PLCL2: variants seen among roughly 807,000 people sequenced by gnomAD.
PLCL2 encodes the protein phospholipase C like 2.
Under a neutral mutation model 79.6 loss-of-function variants are expected in PLCL2, and 4 were observed. The observed-to-expected ratio is 0.05, with a 90% CI of 0.02 to 0.11. The LOEUF is 0.11. PLCL2 is among the 10% of genes least tolerant of loss of function. The pLI is 1.00. For synonymous variants in PLCL2, 484 were observed against 457.7 expected, an observed-to-expected ratio of 1.06 and a Z score of -0.73; for missense variants, 895 against 1,291.0, an observed-to-expected ratio of 0.69 and a Z score of 4.70.
intron 1 of PLCL2, among the ~76,000 whole-genome samples, chr3:16,906,186 A>G (rs1442504727): frequency 6.6e-6 from 1 of 152,190 alleles, no homozygotes; most frequent in East Asian, 1.9e-4. Context: ...AAAAGAAATT[A>G]AAACATTTGT....
chr3:17,083,013 T>C (rs766990999), intron 5 of PLCL2, among the ~76,000 whole-genome samples: 1 of 152,204 alleles, frequency 6.6e-6, no homozygotes, highest in Non-Finnish European at 1.5e-5. Flanking sequence ...GCCCTTACTC[T>C]GTACCTGGCA....
chr3:16,907,403 C>T (rs1041379793), intron 1 of PLCL2, among the ~76,000 whole-genome samples: 1 of 152,186 alleles, frequency 6.6e-6, no homozygotes, highest in Admixed American at 6.5e-5. Flanking sequence ...ACCATAACCA[C>T]CAGAAAGGCA....
At chr3:16,927,135 C>T (rs942261061) in intron 1 of PLCL2, among the ~76,000 whole-genome samples, 5 of 152,100 alleles carry the variant, frequency 3.3e-5, no homozygotes, top group African/African-American at 9.7e-5. Flanking sequence ...TAAACAAAAT[C>T]GTCATCCCTT....
At chr3:17,019,626 T>C (rs2124898114) in intron 3 of PLCL2, among the ~76,000 whole-genome samples, 1 of 152,290 alleles carries the variant, frequency 6.6e-6, no homozygotes, top group South Asian at 2.1e-4. Context: ...TTTTTTGTTC[T>C]TGTGCCCCAT....
chr3:16,908,155 T>C (rs1446930448), intron 1 of PLCL2, among the ~76,000 whole-genome samples: 1 of 152,196 alleles, frequency 6.6e-6, no homozygotes, highest in Non-Finnish European at 1.5e-5. Context: ...TATGATAAAC[T>C]CTTATATACC....
chr3:16,993,234 G>A (rs892753659), intron 1 of PLCL2, among the ~76,000 whole-genome samples: 6 of 152,176 alleles, frequency 3.9e-5, no homozygotes, highest in Non-Finnish European at 7.3e-5. Flanking sequence ...TGTTGATGTG[G>A]CATGTTTATT....
chr3:16,916,071 T>C (rs1166968237), intron 1 of PLCL2, among the ~76,000 whole-genome samples: 1 of 152,182 alleles, frequency 6.6e-6, no homozygotes, highest in Non-Finnish European at 1.5e-5. Flanking sequence ...CATTCTGTGT[T>C]TTCATCTGAC....
At chr3:16,930,995 A>G (rs1697379215) in intron 1 of PLCL2, among the ~76,000 whole-genome samples, 1 of 152,044 alleles carries the variant, frequency 6.6e-6, no homozygotes, top group South Asian at 2.1e-4. Flanking sequence ...GTAGTAGGGT[A>G]GGATCCATAT....
intron 1 of PLCL2, among the ~76,000 whole-genome samples, chr3:16,968,418 C>T (rs935531909): frequency 2.0e-5 from 3 of 151,906 alleles, no homozygotes; most frequent in Admixed American, 1.3e-4. Context: ...AATGTTTTTC[C>T]ATTTGTTTGT....
intron 3 of PLCL2, chr3:17,042,645 T>TTGGAAAGTA: frequency 2.3e-6 from 1 of 441,350 alleles, no homozygotes; most frequent in Non-Finnish European, 4.2e-6. Flanking sequence ...TGTACTAGCC[T>TTGGAAAGTA]CACTGCACTT....
chr3:17,055,464 C>T (rs1386647297), intron 4 of PLCL2, among the ~76,000 whole-genome samples: 1 of 152,160 alleles, frequency 6.6e-6, no homozygotes, highest in East Asian at 1.9e-4. Context: ...AGCAACTGGT[C>T]TCTAGAAACC....
Position 17,011,907 on chromosome 3 carries a change from C to T in PLCL2, c.2561C>T (p.Thr854Met), listed in dbSNP as rs775711732. 33 of 1,614,100 alleles carry T rather than the reference C, an allele frequency of 2.0e-5. No homozygotes were observed. Among genetic ancestry groups the T allele is most frequent in the Admixed American group, 1.5e-4 (9 of 60,004 alleles). Residue 854 changes from threonine (T) to methionine (M), a missense_variant, in exon 2 of 6, where the codon ACG becomes ATG. Coordinates refer to ENST00000615277, the MANE Select transcript of PLCL2 (RefSeq NM_001144382.2). The surrounding 1 kb of genome is among the most constrained non-coding windows in gnomAD (Gnocchi z 7.9). ...QYTIPFECLQ[T>M]GYRHVPLQSL... ...ACAATTCCCTTTGAATGTTTACAGA[C>T]GGGCTACCGCCATGTCCCCCTGCAG...
chr3:17,016,012 A>G (rs2064379762), intron 3 of PLCL2, among the ~76,000 whole-genome samples: 1 of 152,186 alleles, frequency 6.6e-6, no homozygotes, highest in African/African-American at 2.4e-5. Flanking sequence ...ATGGGGGGAA[A>G]GTTCCTTGAC....
chr3:17,012,102 T>C lies in PLCL2; in HGVS notation c.2756T>C (p.Val919Ala). 6.2e-7 allele frequency: 1 copy of C among 1,614,116 alleles called. No homozygotes were observed. The highest frequency in any genetic ancestry group is 8.5e-7 in the Non-Finnish European group (1 of 1,179,968). The change falls in exon 2 of 6, where the codon GTA becomes GCA. Residue 919 changes from valine (V) to alanine (A), a missense_variant. Val to Ala is a moderately conservative substitution (Grantham distance 64, BLOSUM62 0). Coordinates refer to ENST00000615277, the MANE Select transcript of PLCL2 (RefSeq NM_001144382.2). Reference sequence around the variant, plus strand: ...CTGTGGATTAAAACCGTGGATGAGGTATTCAAGAATGCCCAGCCCCCTATA... The same window carrying C: ...CTGTGGATTAAAACCGTGGATGAGGCATTCAAGAATGCCCAGCCCCCTATA... ...RTLWIKTVDEVFKNAQPPIRD... is the reference protein window; with the variant it reads ...RTLWIKTVDEAFKNAQPPIRD...
At chr3:17,055,462 G>A (rs926810928) in intron 4 of PLCL2, among the ~76,000 whole-genome samples, 20 of 151,982 alleles carry the variant, frequency 1.3e-4, no homozygotes, top group Non-Finnish European at 2.5e-4. Context: ...TAAGCAACTG[G>A]TCTCTAGAAA....
At position 16,914,573 on chromosome 3, in the gene PLCL2, GTATC is replaced by G. The variant is rs576533872; in HGVS notation, c.327+29213_327+29216del. 4.2e-4 allele frequency among the ~76,000 whole-genome samples: 63 copies of G among 149,414 alleles called. No homozygotes were observed. In the South Asian group the frequency reaches 6.4e-3, roughly 15 times the overall value. On this transcript the variant is annotated intron_variant, in intron 1 of 5. Transcript: ENST00000615277. ...AATTTCATTGTATTAAAATATGTAG[GTATC>G]TATCTTTTTGCGTAGATTTGGTAAA...
At chr3:16,983,815 A>C (rs2064023053) in intron 1 of PLCL2, among the ~76,000 whole-genome samples, 1 of 152,172 alleles carries the variant, frequency 6.6e-6, no homozygotes, top group African/African-American at 2.4e-5. Context: ...AAGTATCCTG[A>C]AACATTTATA....
chr3:16,920,327 A>G (rs1041570777), intron 1 of PLCL2, among the ~76,000 whole-genome samples: 5 of 152,084 alleles, frequency 3.3e-5, no homozygotes, highest in Non-Finnish European at 7.4e-5. Context: ...TATTTATTAG[A>G]TATGATCTTA....
chr3:16,981,373 T>C (rs530037116), intron 1 of PLCL2, among the ~76,000 whole-genome samples: 86 of 152,302 alleles, frequency 5.6e-4, no homozygotes, highest in African/African-American at 1.7e-3. Context: ...AAGGTTTATA[T>C]TGATGGTCTA....
Sources: gnomAD v4.1 joint callset for allele counts (sites outside exome capture counted in the v4.1 genomes callset) on GRCh38, gnomAD v4.1.1 for gene constraint, Gnocchi (gnomAD v3.1) non-coding constraint, MANE v1.5 for transcripts, NCBI Gene and HGNC (gene_info 2026-07-23, HGNC 2026-07-21) for gene names.